The following UBE2Z variants were observed in gnomAD, a reference collection of about 807,000 sequenced individuals.
UBE2Z encodes ubiquitin-conjugating enzyme E2 Z.
Under a neutral mutation model 32.6 loss-of-function variants are expected in UBE2Z, and 10 were observed. That is an observed-to-expected ratio of 0.31 (90% CI 0.19 to 0.52). The LOEUF (loss-of-function observed/expected upper bound fraction) is 0.52. UBE2Z is among the 20% of genes least tolerant of loss of function. The pLI is 0.97. For synonymous variants in UBE2Z, 183 were observed against 190.8 expected (o/e 0.96, Z 0.34); for missense variants, 343 against 480.9 (o/e 0.71, Z 2.68).
At chr17:48,913,832 A>C (rs1198343655) in intron 3 of UBE2Z, among the ~76,000 whole-genome samples, 1 of 152,132 alleles carries the variant, frequency 6.6e-6, no homozygotes. Flanking sequence ...GTTGCTTTGA[A>C]GGCAGTGGCG....
chr17:48,918,998 C>T (rs2040740954), intron 4 of UBE2Z, among the ~76,000 whole-genome samples: 1 of 152,126 alleles, frequency 6.6e-6, no homozygotes, highest in African/African-American at 2.4e-5. Flanking sequence ...CTGCCCACGT[C>T]CGCCTCCCAA....
chr17:48,927,361 G>A lies in UBE2Z; in HGVS notation c.*227G>A, dbSNP rs2088138. On this transcript the variant is annotated 3_prime_UTR_variant, in exon 7 of 7. Transcript: ENST00000360943. ...GGGGCTTCGTTCATCCATTCATCCC[G>A]TATCAGGGGCCAAGGTACCTTTACA... 87,201 of 524,518 alleles carry A rather than the reference G, an allele frequency of 0.17. 13,121 individuals are homozygous for A. Among genetic ancestry groups the A allele is most frequent in the East Asian group, 0.71 (22,939 of 32,492 alleles). 32.5% of individuals were successfully genotyped at this position (524,518 alleles called of 1,614,324 possible). A position where few individuals can be genotyped will look rare whatever the true frequency, so the allele number is the denominator to read the frequency against.
intron 4 of UBE2Z, among the ~76,000 whole-genome samples, chr17:48,920,900 T>G (rs1233144260): frequency 6.6e-6 from 1 of 152,008 alleles, no homozygotes; most frequent in African/African-American, 2.4e-5. Context: ...CACTTCACAT[T>G]CAGGAAAATA....
chr17:48,908,409 T>C lies in UBE2Z; in HGVS notation c.-95T>C, dbSNP rs1439507425. 2 of 1,115,458 alleles carry C rather than the reference T, an allele frequency of 1.8e-6. No individual in the cohort carries two copies. The highest frequency in any genetic ancestry group is 1.6e-5 in the African/African-American group (1 of 60,908). 69.1% of individuals were successfully genotyped at this position (1,115,458 alleles called of 1,614,324 possible). On this transcript the variant is annotated 5_prime_UTR_variant, in exon 1 of 7. Coordinates refer to ENST00000360943, the MANE Select transcript of UBE2Z (RefSeq NM_023079.5). ...GTGGAAGCGGAGGGGGTGGGGACAC[T>C]CTGGCCCGGTTCTCGGTGGTGCGGG...
chr17:48,922,081 A>G (rs547414828), intron 5 of UBE2Z, among the ~76,000 whole-genome samples: 12 of 152,314 alleles, frequency 7.9e-5, no homozygotes, highest in African/African-American at 2.9e-4. Flanking sequence ...CCTGATGTGT[A>G]GGGGAAGTCA....
At chr17:48,915,894 A>T (rs900603916) in intron 3 of UBE2Z, 182 bp from the exon 4 acceptor site, 8 of 284,542 alleles carry the variant, frequency 2.8e-5, no homozygotes, top group Non-Finnish European at 5.1e-5. Context: ...AGGATTAGGC[A>T]ATTGACTGAT....
chr17:48,916,776 C>A (rs2040723645), intron 4 of UBE2Z, among the ~76,000 whole-genome samples: 1 of 143,838 alleles, frequency 7.0e-6, no homozygotes, highest in South Asian at 2.3e-4. Context: ...CACCTGAGGT[C>A]AGGAGTTTGA....
Position 48,927,383 on chromosome 17 carries a change from T to G in UBE2Z, c.*249T>G. 2.1e-6 allele frequency: 1 copy of G among 470,038 alleles called. No individual in the cohort carries two copies. 29.1% of individuals were successfully genotyped at this position (470,038 alleles called of 1,614,324 possible). A position where few individuals can be genotyped will look rare whatever the true frequency, so the allele number is the denominator to read the frequency against. ...CCCGTATCAGGGGCCAAGGTACCTTTACAGGAGCACCTAGAGCGAGGGCCT... is the reference window on the plus strand; with the variant it reads ...CCCGTATCAGGGGCCAAGGTACCTTGACAGGAGCACCTAGAGCGAGGGCCT... On this transcript the variant is annotated 3_prime_UTR_variant, in exon 7 of 7. Coordinates refer to ENST00000360943, the MANE Select transcript of UBE2Z (RefSeq NM_023079.5).
At chr17:48,922,768 A>G in intron 5 of UBE2Z, 79 bp from the exon 6 acceptor site, 1 of 1,053,696 alleles carries the variant, frequency 9.5e-7, no homozygotes, top group Non-Finnish European at 1.3e-6. Context: ...CTCCATCTGA[A>G]AAAAAAAAAA....
chr17:48,921,578 C>A (rs1411011450), intron 5 of UBE2Z, among the ~76,000 whole-genome samples: 1 of 152,142 alleles, frequency 6.6e-6, no homozygotes, highest in Non-Finnish European at 1.5e-5. Flanking sequence ...AGACTCATTT[C>A]TTAGTGCTGA....
rs1333682931 is a variant in UBE2Z, at chr17:48,922,843, C to T, written c.804-4C>T. ...TCACTTACACTTTTCTGCTTGTTTTCCAGAGGGGTGATGGAGAAGTCCTTT... is the reference window on the plus strand; with the variant it reads ...TCACTTACACTTTTCTGCTTGTTTTTCAGAGGGGTGATGGAGAAGTCCTTT... On this transcript the variant is annotated splice_polypyrimidine_tract_variant and splice_region_variant and intron_variant, in intron 5 of 6. Transcript: ENST00000360943. The T allele has an allele frequency of 1.2e-6, 2 of 1,608,880 alleles. No homozygotes were observed. The highest frequency in any genetic ancestry group is 2.7e-5 in the African/African-American group (2 of 74,726).
At chr17:48,922,740 A>G (rs902702319) in intron 5 of UBE2Z, 107 bp from the exon 6 acceptor site, 1 of 757,950 alleles carries the variant, frequency 1.3e-6, no homozygotes, top group Non-Finnish European at 2.1e-6. Context: ...GCACTCCAAC[A>G]TGGGCTACAG....
chr17:48,915,249 A>T (rs147607820), intron 3 of UBE2Z, among the ~76,000 whole-genome samples: 1 of 152,250 alleles, frequency 6.6e-6, no homozygotes, highest in East Asian at 1.9e-4. Context: ...GTCCCCAGTG[A>T]AGTTACTATT....
In UBE2Z at chr17:48,928,761, C is replaced by T. The variant is rs1201698327; in HGVS notation, c.*1627C>T. On this transcript the variant is annotated 3_prime_UTR_variant, in exon 7 of 7. Coordinates refer to ENST00000360943, the MANE Select transcript of UBE2Z (RefSeq NM_023079.5). ...GAAAAGGGACCCTGCTTCCAATTTC[C>T]CTCTTCCATTCCTCGAGCTACTCCA... 6.6e-6 allele frequency: 1 copy of T among 152,642 alleles called. No individual in the cohort carries two copies. Among genetic ancestry groups the T allele is most frequent in the Non-Finnish European group, 1.5e-5 (1 of 68,054 alleles). 9.5% of individuals were successfully genotyped at this position (152,642 alleles called of 1,614,324 possible). A position where few individuals can be genotyped will look rare whatever the true frequency, so the allele number is the denominator to read the frequency against.
intron 3 of UBE2Z, among the ~76,000 whole-genome samples, chr17:48,915,432 CT>C (rs2040711848): frequency 6.6e-6 from 1 of 152,174 alleles, no homozygotes; most frequent in African/African-American, 2.4e-5. Flanking sequence ...TCCCCTCCCC[CT>C]AATACTTGGT....
chr17:48,908,817 A>T lies in UBE2Z; in HGVS notation c.314A>T (p.Lys105Met). Residue 105 changes from lysine to methionine, a missense_variant, in exon 1 of 7, where the codon AAG becomes ATG. Lys to Met is a moderately conservative substitution (Grantham distance 95). Coordinates refer to ENST00000360943, the MANE Select transcript of UBE2Z (RefSeq NM_023079.5). Reference protein sequence around the residue: ...RTAPQCLLRIKRDIMSIYKEP... With the variant: ...RTAPQCLLRIMRDIMSIYKEP... ...GCGCCGCAGTGTCTACTCCGGATCA[A>T]GCGGTGAGCCGGGGTTTTTCCTCCC... is the stretch of plus-strand genomic sequence containing the variant. 6.7e-7 allele frequency: 1 copy of T among 1,496,064 alleles called. No homozygotes were observed. Among genetic ancestry groups the T allele is most frequent in the Non-Finnish European group, 8.9e-7 (1 of 1,127,028 alleles). The allele number at this position is 1,496,064 out of a possible 1,614,324, so 92.7% of individuals were successfully genotyped here. A position where few individuals can be genotyped will look rare whatever the true frequency, so the allele number is the denominator to read the frequency against.
chr17:48,908,440 G>C lies in UBE2Z; in HGVS notation c.-64G>C, dbSNP rs942380623. The C allele has an allele frequency of 8.3e-7, 1 of 1,202,086 alleles. No homozygotes were observed. Among genetic ancestry groups the C allele is most frequent in the Non-Finnish European group, 1.0e-6 (1 of 964,350 alleles). 74.5% of individuals were successfully genotyped at this position (1,202,086 alleles called of 1,614,324 possible). A position where few individuals can be genotyped will look rare whatever the true frequency, so the allele number is the denominator to read the frequency against. The stretch of plus-strand genomic sequence containing the variant: ...CCGGTTCTCGGTGGTGCGGGAGCGG[G>C]CGGGAGCAGCGGCCGCTCTGGTCGG... On this transcript the variant is annotated 5_prime_UTR_variant, in exon 1 of 7. Transcript: ENST00000360943.
At chr17:48,918,800 G>C (rs1198587238) in intron 4 of UBE2Z, among the ~76,000 whole-genome samples, 1 of 143,614 alleles carries the variant, frequency 7.0e-6, no homozygotes, top group African/African-American at 2.6e-5. Context: ...AGGCTGGAGT[G>C]CAGTGGTGTG....
rs2040645460 is a variant in UBE2Z at position 48,908,454 on chromosome 17, C to CGCTCTG, written c.-48_-43dup. 1 of 1,222,288 alleles carries CGCTCTG rather than the reference C, an allele frequency of 8.2e-7. No individual in the cohort carries two copies. The highest frequency in any genetic ancestry group is 1.6e-5 in the African/African-American group (1 of 63,936). The allele number at this position is 1,222,288 out of a possible 1,614,324, so 75.7% of individuals were successfully genotyped here. A position where few individuals can be genotyped will look rare whatever the true frequency, so the allele number is the denominator to read the frequency against. On this transcript the variant is annotated 5_prime_UTR_variant, in exon 1 of 7. Transcript: ENST00000360943. Reference sequence around the variant, plus strand: ...TGCGGGAGCGGGCGGGAGCAGCGGCCGCTCTGGTCGGCGGACGTGCTGCCG... The same window carrying CGCTCTG: ...TGCGGGAGCGGGCGGGAGCAGCGGCCGCTCTGGCTCTGGTCGGCGGACGTGCTGCCG...
Sources: allele counts gnomAD v4.1 joint callset (sites outside exome capture counted in the v4.1 genomes callset), GRCh38; gene constraint gnomAD v4.1.1; transcripts MANE v1.5; gene names NCBI Gene and HGNC (gene_info 2026-07-23, HGNC 2026-07-21).